CAPZA2: variants seen among roughly 807,000 people sequenced by gnomAD.
The protein encoded by CAPZA2 is capping actin protein of muscle Z-line subunit alpha 2.
CAPZA2 carries 13 observed loss-of-function variants against 44.0 expected under a neutral mutation model. That is an observed-to-expected ratio of 0.30 (90% CI 0.19 to 0.47). The LOEUF is 0.47. Among genes scored for constraint, CAPZA2 ranks in the 20% least tolerant of loss-of-function variants. The pLI, the probability that CAPZA2 is intolerant of heterozygous loss-of-function variation, is 1.00. For synonymous variants in CAPZA2, 94 were observed against 108.2 expected (o/e 0.87, Z 0.81); for missense variants, 244 against 338.6 (o/e 0.72, Z 2.19).
chr7:116,910,149 G>A, intron 6 of CAPZA2, 84 bp from the exon 7 acceptor site: 1 of 775,506 alleles, frequency 1.3e-6, no homozygotes, highest in Non-Finnish European at 2.3e-6. Flanking sequence ...CTCTCATACT[G>A]TAGCATGAAA....
At chr7:116,892,215 AT>A (rs1796854955) in intron 2 of CAPZA2, among the ~76,000 whole-genome samples, 1 of 152,166 alleles carries the variant, frequency 6.6e-6, no homozygotes, top group Non-Finnish European at 1.5e-5. Flanking sequence ...AATGGAAGAT[AT>A]TTAGGTTGTT....
At chr7:116,880,741 G>GTTTT (rs1413537984) in intron 1 of CAPZA2, among the ~76,000 whole-genome samples, 3 of 43,830 alleles carry the variant, frequency 6.8e-5, no homozygotes, top group East Asian at 9.5e-4. Flanking sequence ...TTTTGAGACA[G>GTTTT]TCTTGCTCTG....
intron 6 of CAPZA2, among the ~76,000 whole-genome samples, chr7:116,909,037 C>T (rs10249156): frequency 0.016 from 2,441 of 152,182 alleles, 66 homozygotes; most frequent in African/African-American, 0.055. Flanking sequence ...AGTTTAACAT[C>T]CCTAATTCAA....
At chr7:116,898,681 G>T in intron 3 of CAPZA2, 91 bp from the exon 4 acceptor site, 1 of 725,520 alleles carries the variant, frequency 1.4e-6, no homozygotes, top group South Asian at 1.8e-5. Flanking sequence ...AATGTAGGAG[G>T]AGACTTTATT....
chr7:116,882,652 G>A (rs1796716304), intron 1 of CAPZA2, among the ~76,000 whole-genome samples: 1 of 151,952 alleles, frequency 6.6e-6, no homozygotes, highest in East Asian at 1.9e-4. Flanking sequence ...CTTCTGTATA[G>A]GTCACTTTAT....
At chr7:116,906,638 G>A (rs556991361) in intron 6 of CAPZA2, 10 of 267,534 alleles carry the variant, frequency 3.7e-5, no homozygotes, top group Admixed American at 2.7e-4. Flanking sequence ...CTCATTCTGT[G>A]AAGGGGCTGT....
At chr7:116,875,836 C>A (rs1337352433) in intron 1 of CAPZA2, 1 of 152,126 alleles carries the variant, frequency 6.6e-6, no homozygotes. Flanking sequence ...AGCCATGGCA[C>A]CTGGCCAAAT....
intron 7 of CAPZA2, among the ~76,000 whole-genome samples, 169 bp downstream of exon 7, chr7:116,910,480 C>T (rs924347199): frequency 6.6e-6 from 1 of 152,094 alleles, no homozygotes; most frequent in East Asian, 1.9e-4. Context: ...AATAACCTGG[C>T]AGTTTATTCC....
intron 6 of CAPZA2, among the ~76,000 whole-genome samples, chr7:116,908,025 C>A (rs1791540111): frequency 6.6e-6 from 1 of 151,824 alleles, no homozygotes; most frequent in Non-Finnish European, 1.5e-5. Context: ...CTTTTGGAGA[C>A]CAAGGTAGGA....
chr7:116,905,211 T>A (rs1156592706), intron 5 of CAPZA2, among the ~76,000 whole-genome samples: 2 of 151,590 alleles, frequency 1.3e-5, no homozygotes, highest in East Asian at 1.9e-4. Context: ...TTTTTAAAAA[T>A]TTCATAATAT....
intron 9 of CAPZA2, among the ~76,000 whole-genome samples, 176 bp from the exon 10 acceptor site, chr7:116,917,551 C>G (rs1791697650): frequency 6.6e-6 from 1 of 152,210 alleles, no homozygotes; most frequent in Non-Finnish European, 1.5e-5. Context: ...GCCACCGCGC[C>G]CGGCTCTTCT....
intron 1 of CAPZA2, among the ~76,000 whole-genome samples, chr7:116,867,646 C>A (rs1175834513): frequency 1.3e-5 from 2 of 149,582 alleles, no homozygotes; most frequent in East Asian, 2.0e-4. Flanking sequence ...TGCAGTGGCA[C>A]GATCTCGGCT....
chr7:116,910,011 A>G lies in CAPZA2; in HGVS notation c.507-222A>G. On this transcript the variant is annotated intron_variant, in intron 6 of 9. Transcript: ENST00000361183. Reference sequence around the variant, plus strand: ...GCTTTAGAATTCTGGCATTAAATCCATTATGTAAGTTCTTTCTTATCAGTA... The same window carrying G: ...GCTTTAGAATTCTGGCATTAAATCCGTTATGTAAGTTCTTTCTTATCAGTA... The G allele has an allele frequency of 5.8e-6, 3 of 513,186 alleles. 1 individual carries two copies. Among genetic ancestry groups the G allele is most frequent in the South Asian group, 4.2e-5 (2 of 47,416 alleles). 31.8% of individuals were successfully genotyped at this position (513,186 alleles called of 1,614,324 possible). A position where few individuals can be genotyped will look rare whatever the true frequency, so the allele number is the denominator to read the frequency against.
chr7:116,895,042 C>T, intron 3 of CAPZA2, among the ~76,000 whole-genome samples: 1 of 151,964 alleles, frequency 6.6e-6, no homozygotes, highest in Middle Eastern at 3.4e-3. Flanking sequence ...CTTATTGAAA[C>T]TTTTTATATA....
intron 1 of CAPZA2, among the ~76,000 whole-genome samples, chr7:116,878,917 G>T (rs1347643810): frequency 6.6e-6 from 1 of 151,926 alleles, no homozygotes; most frequent in East Asian, 1.9e-4. Flanking sequence ...CACGAGGTCG[G>T]GAGTTTGAGA....
At chr7:116,895,346 CA>C (rs145514384) in intron 3 of CAPZA2, among the ~76,000 whole-genome samples, 2,968 of 151,714 alleles carry the variant, frequency 0.02, 96 homozygotes, top group African/African-American at 0.068. Flanking sequence ...TTTATTTGTC[CA>C]AAGAATTATT....
chr7:116,862,607 G>C lies in CAPZA2; in HGVS notation c.-5G>C. On this transcript the variant is annotated 5_prime_UTR_variant, in exon 1 of 10. Coordinates refer to ENST00000361183, the MANE Select transcript of CAPZA2 (RefSeq NM_006136.3). ...CCGCCGCCGCGGTTTGTCGCCAGAA[G>C]GAAGATGGCGGATCTGGAGGAGCAG... 1 of 1,538,658 alleles carries C rather than the reference G, an allele frequency of 6.5e-7. No homozygotes were observed. Among genetic ancestry groups the C allele is most frequent in the Non-Finnish European group, 8.8e-7 (1 of 1,141,648 alleles).
At chr7:116,897,778 C>T (rs1404801939) in intron 3 of CAPZA2, among the ~76,000 whole-genome samples, 1 of 152,026 alleles carries the variant, frequency 6.6e-6, no homozygotes, top group Admixed American at 6.6e-5. Flanking sequence ...TAGAGAGTAG[C>T]TTTATTCTTG....
chr7:116,900,258 TATC>T (rs1206789748), intron 4 of CAPZA2, among the ~76,000 whole-genome samples: 1 of 151,900 alleles, frequency 6.6e-6, no homozygotes, highest in East Asian at 1.9e-4. Flanking sequence ...TATGCCTGCT[TATC>T]AGCATTATCA....
Sources: gnomAD v4.1 joint callset for allele counts (sites outside exome capture counted in the v4.1 genomes callset) on GRCh38, gnomAD v4.1.1 for gene constraint, MANE v1.5 for transcripts, NCBI Gene and HGNC (gene_info 2026-07-23, HGNC 2026-07-21) for gene names.